The following TBC1D8 variants were observed in gnomAD, a reference collection of about 807,000 sequenced individuals.
The protein encoded by TBC1D8 is BUB2-like protein 1.
In TBC1D8, 65 loss-of-function variants were observed where a neutral mutation model predicts 118.8. The observed-to-expected ratio is 0.55, with a 90% CI of 0.45 to 0.67. The LOEUF is 0.67. Ranked by LOEUF, TBC1D8 falls within the 30% of genes least tolerant of loss-of-function variation. The pLI, the probability that TBC1D8 is intolerant of heterozygous loss-of-function variation, is 0.00. For missense variants in TBC1D8, 1,376 were observed against 1,471.2 expected (o/e 0.94, Z 1.06); for synonymous variants, 566 against 595.8 (o/e 0.95, Z 0.73).
chr2:101,056,049 T>G (rs1310927011), intron 3 of TBC1D8, among the ~76,000 whole-genome samples: 1 of 151,400 alleles, frequency 6.6e-6, no homozygotes, highest in Non-Finnish European at 1.5e-5. Context: ...CTCTTTTTTT[T>G]TTTTTGGTAG....
chr2:101,094,871 G>A (rs1034704366), intron 1 of TBC1D8, among the ~76,000 whole-genome samples: 1 of 152,208 alleles, frequency 6.6e-6, no homozygotes, highest in Non-Finnish European at 1.5e-5. Context: ...TTCAGAGAAC[G>A]AAGGGCATAG....
intron 17 of TBC1D8, among the ~76,000 whole-genome samples, chr2:101,013,853 T>C (rs1679417779): frequency 6.6e-6 from 1 of 152,182 alleles, no homozygotes; most frequent in Non-Finnish European, 1.5e-5. Context: ...AATAATCCCA[T>C]CTCCACCATG....
At chr2:101,117,246 C>A (rs1310603836) in intron 1 of TBC1D8, among the ~76,000 whole-genome samples, 3 of 152,136 alleles carry the variant, frequency 2.0e-5, no homozygotes, top group Admixed American at 2.0e-4. Context: ...TTTTCAGCCA[C>A]CTAGTTGGGG....
chr2:101,029,935 G>C (rs1680573243), intron 11 of TBC1D8, 159 bp from the exon 12 acceptor site: 3 of 686,138 alleles, frequency 4.4e-6, no homozygotes, highest in Non-Finnish European at 7.0e-6. Flanking sequence ...TTTAGACCAA[G>C]GTAATTCAAT....
chr2:101,129,594 G>A (rs1678498145), intron 1 of TBC1D8, among the ~76,000 whole-genome samples: 1 of 152,114 alleles, frequency 6.6e-6, no homozygotes, highest in Admixed American at 6.6e-5. Flanking sequence ...CACATTTCAG[G>A]GGTTTCTAGA....
At chr2:101,011,679 C>T in intron 17 of TBC1D8, 139 bp from the exon 18 acceptor site, 1 of 735,150 alleles carries the variant, frequency 1.4e-6, no homozygotes, top group Non-Finnish European at 2.3e-6. Context: ...GGTCCACGAA[C>T]CCAAATGCAC....
chr2:101,029,431 T>C lies in TBC1D8; in HGVS notation c.2222+60A>G. ...AAAACTTCCCCACCGATAGCCCTGC[T>C]GGGCACGTGCTGCTGCCTCCTCCAT... On this transcript the variant is annotated intron_variant, in intron 12 of 19. Coordinates refer to ENST00000409318, the MANE Select transcript of TBC1D8 (RefSeq NM_001330348.2). 3 of 1,545,584 alleles carry C rather than the reference T, an allele frequency of 1.9e-6. No homozygotes were observed. In the South Asian group the frequency reaches 3.6e-5, roughly 18 times the overall value.
chr2:101,106,039 A>G (rs1436082237), intron 1 of TBC1D8, among the ~76,000 whole-genome samples: 1 of 144,076 alleles, frequency 6.9e-6, no homozygotes, highest in African/African-American at 2.7e-5. Context: ...TCTGTGATTT[A>G]AAAAAAAAAA....
chr2:101,106,298 T>C (rs1397814951), intron 1 of TBC1D8, among the ~76,000 whole-genome samples: 4 of 152,232 alleles, frequency 2.6e-5, no homozygotes, highest in Admixed American at 2.6e-4. Context: ...TGCATGACAC[T>C]GTGTGTTTGT....
At chr2:101,043,461 G>A (rs1008615927) in intron 5 of TBC1D8, among the ~76,000 whole-genome samples, 14 of 152,190 alleles carry the variant, frequency 9.2e-5, no homozygotes, top group African/African-American at 2.7e-4. Context: ...GGTTCTAGTC[G>A]CCAGTGAGTT....
At position 101,072,144 on chromosome 2, in the gene TBC1D8, T is replaced by C. The variant is rs114121699; in HGVS notation, c.284-12605A>G. On this transcript the variant is annotated intron_variant, in intron 2 of 19. Coordinates refer to ENST00000409318, the MANE Select transcript of TBC1D8 (RefSeq NM_001330348.2). ...GAAAGGTATCTTTTTTTCTGAGCAT[T>C]AGGTCTCAACAACAGGTATGTTAAT... is the stretch of plus-strand genomic sequence containing the variant. Among the ~76,000 whole-genome samples the C allele has an allele frequency of 5.8e-3, 886 of 152,278 alleles. 11 individuals carry two copies. Among genetic ancestry groups the C allele is most frequent in the African/African-American group, 0.02 (817 of 41,552 alleles).
At chr2:101,132,937 G>A (rs936102016) in intron 1 of TBC1D8, among the ~76,000 whole-genome samples, 3 of 151,740 alleles carry the variant, frequency 2.0e-5, no homozygotes, top group South Asian at 2.1e-4. Context: ...TCTGCAATAC[G>A]ATTATCTTAT....
Position 101,040,225 on chromosome 2 carries a change from C to A in TBC1D8, c.1033G>T (p.Ala345Ser). 6.2e-7 allele frequency: 1 copy of A among 1,614,004 alleles called. No homozygotes were observed. The highest frequency in any genetic ancestry group is 8.5e-7 in the Non-Finnish European group (1 of 1,179,898). The change falls in exon 6 of 20, where the codon GCC (alanine) becomes TCC (serine). Residue 345 changes from alanine to serine, a missense_variant. Physicochemically the swap from Ala to Ser is moderately conservative, Grantham distance 99. Transcript: ENST00000409318. ...MFASDSYICF[A>S]SREDGCCKII... ...TTACAGCAGCCATCTTCTCTGCTGG[C>A]AAAGCAGATGTAGCTGTCAGAGGCG...
At chr2:101,028,014 C>T (rs1680438408) in intron 14 of TBC1D8, 34 bp downstream of exon 14, 3 of 1,605,160 alleles carry the variant, frequency 1.9e-6, no homozygotes, top group South Asian at 2.2e-5. Context: ...CTCCCCAATA[C>T]CGTGATCACC....
chr2:101,059,366 T>G lies in TBC1D8; in HGVS notation c.402+55A>C, dbSNP rs1049715928. Reference sequence around the variant, plus strand: ...TTAGTATGCTACAGTGTTCGGAATGTCTTAAGGAAGAAAGATGGAAAGATG... The same window carrying G: ...TTAGTATGCTACAGTGTTCGGAATGGCTTAAGGAAGAAAGATGGAAAGATG... On this transcript the variant is annotated intron_variant, in intron 3 of 19. Coordinates refer to ENST00000409318, the MANE Select transcript of TBC1D8 (RefSeq NM_001330348.2). 6.0e-5 allele frequency: 85 copies of G among 1,416,308 alleles called. No homozygotes were observed. In the African/African-American group the frequency reaches 9.9e-4, roughly 16 times the overall value. 87.7% of individuals were successfully genotyped at this position (1,416,308 alleles called of 1,614,324 possible).
chr2:101,123,746 T>C (rs1044005818), intron 1 of TBC1D8, among the ~76,000 whole-genome samples: 1 of 152,158 alleles, frequency 6.6e-6, no homozygotes, highest in African/African-American at 2.4e-5. Context: ...GTTGGGGCTA[T>C]ACTTACAGCT....
chr2:101,134,774 G>A (rs1678765561), intron 1 of TBC1D8, among the ~76,000 whole-genome samples: 1 of 152,162 alleles, frequency 6.6e-6, no homozygotes, highest in African/African-American at 2.4e-5. Context: ...TAATTTAGGG[G>A]GCAGGGGGAC....
At chr2:101,021,644 A>T in intron 17 of TBC1D8, 37 bp downstream of exon 17, 1 of 1,380,892 alleles carries the variant, frequency 7.2e-7, no homozygotes, top group Non-Finnish European at 1.0e-6. Context: ...GTGTTGAAGC[A>T]GAGCACAGTC....
intron 5 of TBC1D8, among the ~76,000 whole-genome samples, chr2:101,049,123 A>C (rs1681893009): frequency 6.6e-6 from 1 of 152,180 alleles, no homozygotes; most frequent in South Asian, 2.1e-4. Context: ...TATACCCAGA[A>C]ATGGAATTGC....
Sources: gnomAD v4.1 joint callset for allele counts (sites outside exome capture counted in the v4.1 genomes callset) on GRCh38, gnomAD v4.1.1 for gene constraint, MANE v1.5 for transcripts, NCBI Gene and HGNC (gene_info 2026-07-23, HGNC 2026-07-21) for gene names.